The following CCDC149 variants were observed in gnomAD, a reference collection of about 807,000 sequenced individuals.
The protein encoded by CCDC149 is coiled-coil domain-containing protein 149.
A neutral mutation model predicts 59.9 loss-of-function variants in CCDC149; 45 were observed. The observed-to-expected ratio is 0.75, with a 90% confidence interval of 0.59 to 0.96. The LOEUF is 0.96. Ranked by LOEUF, CCDC149 falls within the 40% of genes least tolerant of loss-of-function variation. The pLI, the probability that CCDC149 is intolerant of heterozygous loss-of-function variation, is 0.00. For synonymous variants in CCDC149, 245 were observed against 260.6 expected (o/e 0.94, Z 0.58); for missense variants, 584 against 664.7 (o/e 0.88, Z 1.33).
intron 1 of CCDC149, among the ~76,000 whole-genome samples, chr4:24,949,835 T>C (rs377469611): frequency 5.3e-5 from 8 of 152,144 alleles, no homozygotes; most frequent in Admixed American, 4.6e-4. Context: ...ACCAGTGGGA[T>C]CTTTCCCCAA....
At position 24,806,543 on chromosome 4, in the gene CCDC149, G is replaced by A. The variant is rs575607757; in HGVS notation, c.*1846C>T. On this transcript the variant is annotated 3_prime_UTR_variant, in exon 13 of 13. Transcript: ENST00000635206. ...ATTAAACTTGGCTGTGTTTTCCTTC[G>A]GTGGCTCTGGCATCCTATGCAGTAG... 16 of 152,274 alleles carry A rather than the reference G, an allele frequency of 1.1e-4. No homozygotes were observed. Among genetic ancestry groups the A allele is most frequent in the South Asian group, 4.2e-4 (2 of 4,812 alleles). 9.4% of individuals were successfully genotyped at this position (152,274 alleles called of 1,614,324 possible). A position where few individuals can be genotyped will look rare whatever the true frequency, so the allele number is the denominator to read the frequency against.
chr4:24,819,846 G>A lies in CCDC149; in HGVS notation c.1192+13C>T, dbSNP rs1560200680. The A allele has an allele frequency of 2.9e-5, 44 of 1,536,346 alleles. No homozygotes were observed. The highest frequency in any genetic ancestry group is 3.9e-5 in the Admixed American group (2 of 50,958). ...CAGTCCAGGTAAAGATGGAGAAATC[G>A]AGGCGTGCTTACCATCCTTGGGATC... On this transcript the variant is annotated intron_variant, in intron 12 of 12. Transcript: ENST00000635206.
intron 1 of CCDC149, among the ~76,000 whole-genome samples, chr4:24,966,831 G>C (rs187933489): frequency 1.3e-5 from 2 of 152,296 alleles, no homozygotes; most frequent in Admixed American, 1.3e-4. Flanking sequence ...TGTTTGATTA[G>C]GGAACTGGCC....
In CCDC149 at chr4:24,807,824, TACC is replaced by T. The variant is rs1261871243; in HGVS notation, c.*562_*564del. ...AAGGCCCCTTCCAACTGCCAGTCTGTACCACGACAGCAGTGCTGTGGGCACAAT... is the reference window on the plus strand; with the variant it reads ...AAGGCCCCTTCCAACTGCCAGTCTGTACGACAGCAGTGCTGTGGGCACAAT... On this transcript the variant is annotated 3_prime_UTR_variant, in exon 13 of 13. Transcript: ENST00000635206. 3.3e-5 allele frequency: 5 copies of T among 152,282 alleles called. No homozygotes were observed. The highest frequency in any genetic ancestry group is 1.2e-4 in the African/African-American group (5 of 41,458). 9.4% of individuals were successfully genotyped at this position (152,282 alleles called of 1,614,324 possible). A position where few individuals can be genotyped will look rare whatever the true frequency, so the allele number is the denominator to read the frequency against.
At chr4:24,870,745 C>T (rs1718989250) in intron 3 of CCDC149, among the ~76,000 whole-genome samples, 1 of 152,098 alleles carries the variant, frequency 6.6e-6, no homozygotes, top group African/African-American at 2.4e-5. Flanking sequence ...TCTAAAATAG[C>T]AGCAAAGGTG....
chr4:24,906,375 A>ATTTTTATTTTATTT (rs1553859575), intron 1 of CCDC149, among the ~76,000 whole-genome samples: 1 of 10,462 alleles, frequency 9.6e-5, no homozygotes, highest in African/African-American at 1.4e-4. Context: ...ATTTTATTTT[A>ATTTTTATTTTATTT]TTTTATTTTA....
At chr4:24,817,656 T>G (rs2109099981) in intron 12 of CCDC149, among the ~76,000 whole-genome samples, 1 of 151,306 alleles carries the variant, frequency 6.6e-6, no homozygotes, top group African/African-American at 2.4e-5. Context: ...GTTCCGGTTC[T>G]GCTAATCTAA....
intron 1 of CCDC149, among the ~76,000 whole-genome samples, chr4:24,939,299 T>A (rs901647906): frequency 6.6e-6 from 1 of 152,182 alleles, no homozygotes; most frequent in Non-Finnish European, 1.5e-5. Flanking sequence ...GGAGTGTACC[T>A]CCAGTAAACT....
At chr4:24,949,987 C>A (rs1723236910) in intron 1 of CCDC149, among the ~76,000 whole-genome samples, 1 of 152,180 alleles carries the variant, frequency 6.6e-6, no homozygotes, top group South Asian at 2.1e-4. Context: ...TAGGTTATGC[C>A]AAGGATCAGA....
chr4:24,926,029 T>TA (rs994902120), intron 1 of CCDC149, among the ~76,000 whole-genome samples: 9 of 151,748 alleles, frequency 5.9e-5, no homozygotes, highest in Non-Finnish European at 1.2e-4. Context: ...CTGTCTCTAC[T>TA]AAAAAAAATA....
chr4:24,964,187 C>A (rs1393108658), intron 1 of CCDC149, among the ~76,000 whole-genome samples: 10 of 56,414 alleles, frequency 1.8e-4, no homozygotes, highest in Non-Finnish European at 7.2e-5. Flanking sequence ...GAGTGAGACC[C>A]TATCTAAAAA....
Position 24,819,971 on chromosome 4 carries a change from G to T in CCDC149, c.1080C>A (p.Gly360=). ...GGTCGCTGAACAGTATGGTGTCCTT[G>T]CCCCCTGTTGCAGAAAAGAGGAAAA... The change falls in exon 12 of 13, where the codon GGC becomes GGA. Residue 360 remains glycine (G), a synonymous_variant. Coordinates refer to ENST00000635206, the MANE Select transcript of CCDC149 (RefSeq NM_001330643.2). The T allele has an allele frequency of 6.5e-7, 1 of 1,546,976 alleles. No individual in the cohort carries two copies.
At chr4:24,951,882 C>G (rs1723301515) in intron 1 of CCDC149, among the ~76,000 whole-genome samples, 1 of 152,106 alleles carries the variant, frequency 6.6e-6, no homozygotes, top group Non-Finnish European at 1.5e-5. Flanking sequence ...GCAGATGCAC[C>G]CTCTGAAACT....
At chr4:24,838,307 C>A (rs773942545) in intron 4 of CCDC149, 35 bp from the exon 5 acceptor site, 111 of 1,502,852 alleles carry the variant, frequency 7.4e-5, no homozygotes, top group Non-Finnish European at 1.0e-4. Flanking sequence ...GAAAAAGGCA[C>A]AGAGAATAAA....
intron 2 of CCDC149, among the ~76,000 whole-genome samples, chr4:24,874,240 A>ATTTTTTTTTTTTTTTTTTTTTTT (rs1560230340): frequency 1.2e-5 from 1 of 85,686 alleles, no homozygotes; most frequent in African/African-American, 5.8e-5. Context: ...GTCCTATTAG[A>ATTTTTTTTTTTTTTTTTTTTTTT]TTTGTTTTTT....
rs568091192 is a variant in CCDC149 at position 24,918,943 on chromosome 4, A to T, written c.-64-23825T>A. On this transcript the variant is annotated intron_variant, in intron 1 of 12. Coordinates refer to the CCDC149 transcript ENST00000389609. ...CAAATTTCTCTTTGTTCTCTAACAGAAACTCAAATGGCAAGTAAACATGAT... is the reference window on the plus strand; with the variant it reads ...CAAATTTCTCTTTGTTCTCTAACAGTAACTCAAATGGCAAGTAAACATGAT... Among the ~76,000 whole-genome samples, 9 of 152,334 alleles carry T rather than the reference A, an allele frequency of 5.9e-5. 1 individual carries two copies. In the South Asian group the frequency reaches 1.9e-3, roughly 32 times the overall value.
At chr4:24,849,550 G>T (rs143118240) in intron 4 of CCDC149, among the ~76,000 whole-genome samples, 381 of 152,302 alleles carry the variant, frequency 2.5e-3, no homozygotes, top group African/African-American at 8.5e-3. Context: ...CCATGTGAGA[G>T]CTAAGCTGCT....
At chr4:24,821,846 T>C (rs1013026055) in intron 10 of CCDC149, among the ~76,000 whole-genome samples, 5 of 152,052 alleles carry the variant, frequency 3.3e-5, no homozygotes, top group African/African-American at 1.2e-4. Flanking sequence ...CTAATTAAAG[T>C]AGAATACCAG....
chr4:24,865,651 C>G (rs543066106), intron 3 of CCDC149, among the ~76,000 whole-genome samples: 1 of 152,298 alleles, frequency 6.6e-6, no homozygotes, highest in African/African-American at 2.4e-5. Flanking sequence ...TTTCCAGGCC[C>G]CACAGGCAAA....
Sources: allele counts gnomAD v4.1 joint callset (sites outside exome capture counted in the v4.1 genomes callset), GRCh38; gene constraint gnomAD v4.1.1; transcripts MANE v1.5; gene names NCBI Gene and HGNC (gene_info 2026-07-23, HGNC 2026-07-21).